The following TSHZ1 variants were observed in gnomAD, a reference collection of about 807,000 sequenced individuals.
TSHZ1 encodes the protein teashirt homolog 1.
In TSHZ1, 12 loss-of-function variants were observed where a neutral mutation model predicts 67.1. That is an observed-to-expected ratio of 0.18 (90% CI 0.11 to 0.29). The LOEUF is 0.29. Ranked by LOEUF, TSHZ1 falls within the 10% of genes least tolerant of loss-of-function variation. The pLI is 1.00. For missense variants in TSHZ1, 1,305 were observed against 1,413.9 expected, an observed-to-expected ratio of 0.92 and a Z score of 1.23; for synonymous variants, 632 against 622.4, an observed-to-expected ratio of 1.02 and a Z score of -0.23.
intron 1 of TSHZ1, among the ~76,000 whole-genome samples, chr18:75,239,108 G>T (rs1001061722): frequency 6.6e-6 from 1 of 152,266 alleles, no homozygotes; most frequent in African/African-American, 2.4e-5. Context: ...GGAAGAGCAA[G>T]AGTGCCGTAG....
chr18:75,287,038 G>A lies in TSHZ1; in HGVS notation c.1631G>A (p.Ser544Asn), dbSNP rs1039684025. ...CTGCGTGAGGAGGACCTGGACGACA[G>A]CCCCAAGGGAGGGCTGGACATTCTC... ...PYLREEDLDD[S>N]PKGGLDILKS... Residue 544 changes from serine to asparagine, a missense_variant, in exon 2 of 2, where the codon AGC (serine) becomes AAC (asparagine). Physicochemically the swap from Ser to Asn is conservative, Grantham distance 46. Transcript: ENST00000580243. This position sits in a 1 kb window ranked among gnomAD's most constrained non-coding sequence, Gnocchi z 5.0. The A allele has an allele frequency of 1.2e-6, 2 of 1,613,890 alleles. No individual in the cohort carries two copies. Among genetic ancestry groups the A allele is most frequent in the Non-Finnish European group, 1.7e-6 (2 of 1,180,016 alleles).
chr18:75,262,265 A>G (rs1042833261), intron 1 of TSHZ1, among the ~76,000 whole-genome samples: 2 of 152,200 alleles, frequency 1.3e-5, no homozygotes. Flanking sequence ...TAGTGATACT[A>G]TAAAAAATAC....
intron 1 of TSHZ1, among the ~76,000 whole-genome samples, chr18:75,269,875 G>A (rs892743089): frequency 2.6e-5 from 4 of 152,196 alleles, no homozygotes; most frequent in South Asian, 2.1e-4. Flanking sequence ...AGCCTGAGTC[G>A]ACGTGGCTGG....
At chr18:75,273,507 G>A (rs2023581607) in intron 1 of TSHZ1, among the ~76,000 whole-genome samples, 2 of 152,214 alleles carry the variant, frequency 1.3e-5, no homozygotes, top group Admixed American at 1.3e-4. Flanking sequence ...TTTAAACAAT[G>A]TTGGGCTACA....
At chr18:75,248,410 T>A (rs2023250480) in intron 1 of TSHZ1, among the ~76,000 whole-genome samples, 1 of 152,238 alleles carries the variant, frequency 6.6e-6, no homozygotes, top group Non-Finnish European at 1.5e-5. Context: ...GGCCCACATG[T>A]TTCCTTCACG....
intron 1 of TSHZ1, among the ~76,000 whole-genome samples, chr18:75,218,558 A>G (rs909041948): frequency 5.3e-5 from 8 of 152,214 alleles, no homozygotes; most frequent in African/African-American, 1.2e-4. Context: ...CTATGGTTCA[A>G]AACACTTTCA....
rs2023780120 is a variant in TSHZ1, at chr18:75,287,035, A to G, written c.1628A>G (p.Asp543Gly). The G allele has an allele frequency of 6.2e-7, 1 of 1,614,006 alleles. No homozygotes were observed. Among genetic ancestry groups the G allele is most frequent in the Non-Finnish European group, 8.5e-7 (1 of 1,179,994 alleles). The change falls in exon 2 of 2, where the codon GAC becomes GGC. Residue 543 changes from aspartate to glycine, a missense_variant. Physicochemically the swap from Asp to Gly is moderately conservative, Grantham distance 94 (BLOSUM62 -1). Around this residue, in one of 3 missense-constraint regions of TSHZ1, gnomAD observed 909 missense variants for 961.8 expected, o/e 0.95. Transcript: ENST00000580243. This position sits in a 1 kb window ranked among gnomAD's most constrained non-coding sequence, Gnocchi z 5.0. ...TACCTGCGTGAGGAGGACCTGGACG[A>G]CAGCCCCAAGGGAGGGCTGGACATT... ...YPYLREEDLD[D>G]SPKGGLDILK...
intron 1 of TSHZ1, among the ~76,000 whole-genome samples, chr18:75,230,293 T>G (rs2022980763): frequency 6.6e-6 from 1 of 152,182 alleles, no homozygotes; most frequent in Non-Finnish European, 1.5e-5. Context: ...CTCCTGTCCG[T>G]CCTGGAGTGA....
chr18:75,267,731 T>G (rs902819843), intron 1 of TSHZ1, among the ~76,000 whole-genome samples: 1 of 152,166 alleles, frequency 6.6e-6, no homozygotes, highest in Non-Finnish European at 1.5e-5. Flanking sequence ...GACACATGCT[T>G]GAGTATGAGA....
intron 1 of TSHZ1, among the ~76,000 whole-genome samples, chr18:75,275,544 C>G (rs1031544492): frequency 6.6e-6 from 1 of 152,184 alleles, no homozygotes; most frequent in South Asian, 2.1e-4. Flanking sequence ...TAAGTCTCCT[C>G]TCTGGATTTC....
At chr18:75,253,131 GTTAT>G (rs768015464) in intron 1 of TSHZ1, among the ~76,000 whole-genome samples, 3 of 152,170 alleles carry the variant, frequency 2.0e-5, no homozygotes, top group East Asian at 1.9e-4. Flanking sequence ...AATCGCCTAG[GTTAT>G]TTATTTATCT....
At chr18:75,217,252 G>A (rs560917050) in intron 1 of TSHZ1, among the ~76,000 whole-genome samples, 60 of 152,340 alleles carry the variant, frequency 3.9e-4, no homozygotes, top group South Asian at 1.9e-3. Context: ...ATCATTGATT[G>A]TGTGAATTCA....
intron 1 of TSHZ1, among the ~76,000 whole-genome samples, chr18:75,247,910 T>C (rs1272217003): frequency 6.6e-6 from 1 of 151,434 alleles, no homozygotes; most frequent in East Asian, 1.9e-4. Context: ...GAAAGGGTGA[T>C]AGCAAAAGAT....
rs148468723 is a variant in TSHZ1, at chr18:75,287,290, C to A, written c.1883C>A (p.Thr628Lys). The A allele has an allele frequency of 1.9e-6, 3 of 1,614,070 alleles. No individual in the cohort carries two copies. In the South Asian group the frequency reaches 3.3e-5, roughly 18 times the overall value. The change falls in exon 2 of 2, where the codon ACG becomes AAG. Residue 628 changes from threonine to lysine, a missense_variant. By Grantham distance (78) the Thr-to-Lys change is moderately conservative. Transcript: ENST00000580243. This position sits in a 1 kb window ranked among gnomAD's most constrained non-coding sequence, Gnocchi z 5.0. Reference protein sequence around the residue: ...NALLHSPGSLTPPPHKSNVSA... With the variant: ...NALLHSPGSLKPPPHKSNVSA... ...CTCCTGCACTCCCCAGGGAGCCTCA[C>A]GCCCCCACCGCACAAGAGCAACGTG...
chr18:75,258,748 A>G (rs956627886), intron 1 of TSHZ1, among the ~76,000 whole-genome samples: 2 of 152,144 alleles, frequency 1.3e-5, no homozygotes, highest in Admixed American at 1.3e-4. Flanking sequence ...AGTGAGAAAA[A>G]TGCCATCCTA....
chr18:75,249,992 C>T (rs374476289), intron 1 of TSHZ1, among the ~76,000 whole-genome samples: 1 of 150,894 alleles, frequency 6.6e-6, no homozygotes, highest in Non-Finnish European at 1.5e-5. Context: ...CGCATGACCT[C>T]CTCATCTCAC....
rs369108706 is a variant in TSHZ1, at chr18:75,287,261, C to T, written c.1854C>T (p.Asn618=). 2.4e-5 allele frequency: 39 copies of T among 1,613,860 alleles called. No homozygotes were observed. Among genetic ancestry groups the T allele is most frequent in the Non-Finnish European group, 2.8e-5 (33 of 1,179,996 alleles). The change falls in exon 2 of 2, where the codon AAC becomes AAT. Residue 618 remains asparagine, a synonymous_variant. Transcript: ENST00000580243. This position sits in a 1 kb window ranked among gnomAD's most constrained non-coding sequence, Gnocchi z 5.0. ...AGTCGCTGTCTTCCGCCGAGCACAA[C>T]GCCCTCCTGCACTCCCCAGGGAGCC... is the stretch of plus-strand genomic sequence containing the variant. The part of the protein sequence containing the change: ...GVKSLSSAEH[N]ALLHSPGSLT...
intron 1 of TSHZ1, among the ~76,000 whole-genome samples, chr18:75,214,689 A>G (rs190283348): frequency 5.8e-4 from 88 of 152,294 alleles, no homozygotes; most frequent in African/African-American, 1.9e-3. Flanking sequence ...AGGAAGGGAA[A>G]ATTATCCAAA....
At chr18:75,227,382 G>T (rs1255633082) in intron 1 of TSHZ1, among the ~76,000 whole-genome samples, 1 of 152,038 alleles carries the variant, frequency 6.6e-6, no homozygotes, top group African/African-American at 2.4e-5. Flanking sequence ...GATGAGGTTC[G>T]AGTCTAAAAG....
Sources: gnomAD v4.1 joint callset for allele counts (sites outside exome capture counted in the v4.1 genomes callset) on GRCh38, gnomAD v4.1.1 for gene constraint, gnomAD v4.1.1 regional missense constraint, Gnocchi (gnomAD v3.1) non-coding constraint, MANE v1.5 for transcripts, NCBI Gene and HGNC (gene_info 2026-07-23, HGNC 2026-07-21) for gene names.